Variants in AGBL4 observed in about 807,000 individuals in gnomAD.
AGBL4 encodes AGBL carboxypeptidase 4.
In AGBL4, 58 loss-of-function variants were observed where a neutral mutation model predicts 66.4. The ratio of observed to expected loss-of-function variants is 0.87; its 90% CI spans 0.71 to 1.09. AGBL4 has a LOEUF of 1.09. Among genes scored for constraint, AGBL4 ranks in the 50% least tolerant of loss-of-function variants. The pLI is 0.00. For synonymous variants in AGBL4, 234 were observed against 222.9 expected (o/e 1.05, Z -0.44); for missense variants, 579 against 631.0 (o/e 0.92, Z 0.88).
At chr1:48,742,736 A>G in intron 6 of AGBL4, 4 of 1,607,688 alleles carry the variant, frequency 2.5e-6, no homozygotes, top group Non-Finnish European at 3.4e-6. Flanking sequence ...GGCTCGAGAC[A>G]TTCTGACTTT....
At chr1:49,355,836 G>C (rs1009312083) in intron 3 of AGBL4, among the ~76,000 whole-genome samples, 4 of 152,050 alleles carry the variant, frequency 2.6e-5, no homozygotes, top group Non-Finnish European at 5.9e-5. Flanking sequence ...TCCTCATAAA[G>C]CAAAGAGCAA....
chr1:48,602,707 G>A (rs545343629), intron 9 of AGBL4, among the ~76,000 whole-genome samples: 13 of 151,654 alleles, frequency 8.6e-5, no homozygotes, highest in Non-Finnish European at 1.3e-4. Context: ...TTTATTTGGT[G>A]TAGGCAGCTG....
intron 6 of AGBL4, among the ~76,000 whole-genome samples, chr1:48,839,799 A>G (rs1279280252): frequency 2.0e-5 from 3 of 152,172 alleles, no homozygotes; most frequent in Admixed American, 6.5e-5. Flanking sequence ...CTGGTTCACC[A>G]TACATCTCTG....
Position 49,958,086 on chromosome 1 carries a change from C to T in AGBL4, c.34+65677G>A, listed in dbSNP as rs535233526. ...ACAAAATCTCTCAGCATTTGCTTGT[C>T]TGTAAAGGATTTTATTTCTCCTTCA... On this transcript the variant is annotated intron_variant, in intron 1 of 13. Coordinates refer to ENST00000371839, the MANE Select transcript of AGBL4 (RefSeq NM_032785.4). Among the ~76,000 whole-genome samples the T allele has an allele frequency of 8.6e-3, 1,315 of 152,104 alleles. 15 individuals carry two copies. The highest frequency in any genetic ancestry group is 0.03 in the African/African-American group (1,262 of 41,518).
At chr1:49,899,894 A>G (rs986823157) in intron 1 of AGBL4, among the ~76,000 whole-genome samples, 2 of 152,090 alleles carry the variant, frequency 1.3e-5, no homozygotes, top group Non-Finnish European at 2.9e-5. Flanking sequence ...TACAAAAATT[A>G]GCTAAGCATT....
At chr1:49,878,468 C>T (rs375197662) in intron 1 of AGBL4, among the ~76,000 whole-genome samples, 3 of 151,800 alleles carry the variant, frequency 2.0e-5, no homozygotes, top group African/African-American at 4.9e-5. Context: ...AGTTGAGCAG[C>T]TTTGAGTGAG....
At chr1:49,655,901 C>G (rs1425719921) in intron 3 of AGBL4, among the ~76,000 whole-genome samples, 1 of 152,100 alleles carries the variant, frequency 6.6e-6, no homozygotes, top group Admixed American at 6.6e-5. Flanking sequence ...ATAATCCCAG[C>G]ACTTTGGGAG....
chr1:49,105,963 A>G (rs1409368820), intron 4 of AGBL4, among the ~76,000 whole-genome samples: 1 of 152,238 alleles, frequency 6.6e-6, no homozygotes, highest in Non-Finnish European at 1.5e-5. Flanking sequence ...AAAGGAACAT[A>G]AAAACCCCTT....
intron 4 of AGBL4, among the ~76,000 whole-genome samples, chr1:49,058,811 G>C (rs1298662366): frequency 6.6e-6 from 1 of 152,198 alleles, no homozygotes; most frequent in Non-Finnish European, 1.5e-5. Context: ...GAACTTGTTG[G>C]GAACTGGAGT....
chr1:49,298,020 G>C (rs1644674944), intron 3 of AGBL4, among the ~76,000 whole-genome samples: 1 of 152,140 alleles, frequency 6.6e-6, no homozygotes, highest in South Asian at 2.1e-4. Context: ...GTCTGCCTTT[G>C]AATTTGCTAG....
At chr1:48,832,357 C>T in intron 6 of AGBL4, among the ~76,000 whole-genome samples, 1 of 152,188 alleles carries the variant, frequency 6.6e-6, no homozygotes, top group East Asian at 1.9e-4. Flanking sequence ...GTGAATTCTG[C>T]ACAGCTCAGA....
intron 2 of AGBL4, among the ~76,000 whole-genome samples, chr1:49,733,257 A>G (rs1350151926): frequency 2.6e-5 from 4 of 152,216 alleles, no homozygotes; most frequent in Non-Finnish European, 1.5e-5. Flanking sequence ...CGTTGTTAGC[A>G]GGCATGACAT....
chr1:49,193,278 G>A (rs1320840084), intron 4 of AGBL4, among the ~76,000 whole-genome samples: 1 of 149,534 alleles, frequency 6.7e-6, no homozygotes, highest in African/African-American at 2.5e-5. Context: ...TGTTTTTCTA[G>A]TTCCTTGAGG....
intron 1 of AGBL4, among the ~76,000 whole-genome samples, chr1:49,972,517 C>A (rs1658216186): frequency 6.6e-6 from 1 of 152,098 alleles, no homozygotes; most frequent in African/African-American, 2.4e-5. Flanking sequence ...TATTTTATGG[C>A]TGAGTAGTAA....
At chr1:49,453,433 C>T (rs1646322055) in intron 3 of AGBL4, among the ~76,000 whole-genome samples, 1 of 151,708 alleles carries the variant, frequency 6.6e-6, no homozygotes, top group Non-Finnish European at 1.5e-5. Context: ...GACACTTTTC[C>T]AGAAATATTC....
chr1:49,130,324 C>G (rs1050687704), intron 4 of AGBL4, among the ~76,000 whole-genome samples: 1 of 152,260 alleles, frequency 6.6e-6, no homozygotes, highest in East Asian at 1.9e-4. Context: ...TTAATTAGAT[C>G]CCATTTGTCA....
At chr1:48,745,641 A>G (rs1331711982) in intron 6 of AGBL4, among the ~76,000 whole-genome samples, 2 of 152,126 alleles carry the variant, frequency 1.3e-5, no homozygotes, top group Non-Finnish European at 2.9e-5. Context: ...CCACCTATAC[A>G]AACTCCACCA....
At chr1:49,666,636 C>T (rs980660831) in intron 3 of AGBL4, among the ~76,000 whole-genome samples, 7 of 151,576 alleles carry the variant, frequency 4.6e-5, no homozygotes, top group African/African-American at 1.7e-4. Context: ...TGGTTTATAT[C>T]CTTACATAAT....
rs138883734 is a variant in AGBL4, at chr1:49,668,749, G to A, written c.282+28564C>T. ...ATTAGAAGCACAGTTATCAGTCCCT[G>A]TTTTAAAGAAATCCAAAATTGAACC... On this transcript the variant is annotated intron_variant, in intron 3 of 13. Transcript: ENST00000371839. Among the ~76,000 whole-genome samples, 6 of 152,276 alleles carry A rather than the reference G, an allele frequency of 3.9e-5. No homozygotes were observed. In the South Asian group the frequency reaches 8.3e-4, roughly 21 times the overall value.
Sources: allele counts gnomAD v4.1 joint callset (sites outside exome capture counted in the v4.1 genomes callset), GRCh38; gene constraint gnomAD v4.1.1; transcripts MANE v1.5; gene names NCBI Gene and HGNC (gene_info 2026-07-23, HGNC 2026-07-21).